Variants in CD96 observed in about 807,000 individuals in gnomAD.
CD96 encodes the protein T-cell surface protein tactile.
In CD96, 70 loss-of-function variants were observed where a neutral mutation model predicts 71.3. The ratio of observed to expected loss-of-function variants is 0.98; its 90% CI spans 0.81 to 1.20. The LOEUF (loss-of-function observed/expected upper bound fraction) is 1.20. CD96 is among the 50% of genes most tolerant of loss of function. CD96 has a pLI of 0.00. For missense variants in CD96, 742 were observed against 677.5 expected (o/e 1.10, Z -1.06); for synonymous variants, 248 against 233.0 (o/e 1.06, Z -0.59).
chr3:111,619,378 A>G (rs1329430502), intron 8 of CD96, among the ~76,000 whole-genome samples: 1 of 152,246 alleles, frequency 6.6e-6, no homozygotes, highest in African/African-American at 2.4e-5. Context: ...TAAACAAAAC[A>G]TTTTGTGTGA....
chr3:111,647,772 G>A, intron 13 of CD96, 106 bp downstream of exon 13: 1 of 832,362 alleles, frequency 1.2e-6, no homozygotes, highest in East Asian at 2.8e-5. Flanking sequence ...TATTTTAATG[G>A]GGAAATAATG....
At position 111,600,821 on chromosome 3, in the gene CD96, T is replaced by C. The variant is rs746239577; in HGVS notation, c.994T>C (p.Ser332Pro). The part of the protein sequence containing the change: ...TRVHSNKPAQ[S>P]DNLTIWCMAL... ...GGTACATAGTAATAAACCAGCCCAATCAGACAACTTGACCATTTGGTGTAT... is the reference window on the plus strand; with the variant it reads ...GGTACATAGTAATAAACCAGCCCAACCAGACAACTTGACCATTTGGTGTAT... Residue 332 changes from serine (S) to proline (P), a missense_variant, in exon 7 of 14, where the codon TCA becomes CCA. Physicochemically the swap from Ser to Pro is moderately conservative, Grantham distance 74. Coordinates refer to ENST00000352690, the MANE Select transcript of CD96 (RefSeq NM_005816.5). The C allele has an allele frequency of 2.0e-5, 32 of 1,612,878 alleles. No homozygotes were observed. The East Asian group carries it at 6.7e-4, about 34-fold the overall frequency.
chr3:111,545,543 C>T, intron 2 of CD96, 141 bp downstream of exon 2: 1 of 698,014 alleles, frequency 1.4e-6, no homozygotes, highest in Non-Finnish European at 2.6e-6. Flanking sequence ...ATAAGAGAGA[C>T]AGGAAGTGAC....
At chr3:111,663,283 C>T (rs957455471) in intron 14 of CD96, among the ~76,000 whole-genome samples, 2 of 152,206 alleles carry the variant, frequency 1.3e-5, no homozygotes, top group African/African-American at 4.8e-5. Flanking sequence ...GCACCTCCCA[C>T]CAGATCTCTC....
chr3:111,624,014 A>G (rs1938629663), intron 9 of CD96, among the ~76,000 whole-genome samples, 192 bp downstream of exon 9: 1 of 152,232 alleles, frequency 6.6e-6, no homozygotes, highest in African/African-American at 2.4e-5. Context: ...TTAAAAAATA[A>G]GGGCTGGTGA....
At chr3:111,571,993 G>A (rs1936005416) in intron 3 of CD96, among the ~76,000 whole-genome samples, 1 of 152,152 alleles carries the variant, frequency 6.6e-6, no homozygotes, top group Non-Finnish European at 1.5e-5. Flanking sequence ...GGAACAGAAT[G>A]GAAAAATCCC....
rs557926922 is a variant in CD96, at chr3:111,569,989, T to A, written c.543+2342T>A. On this transcript the variant is annotated intron_variant, in intron 3 of 13. Transcript: ENST00000352690. Reference sequence around the variant, plus strand: ...AGGCTGGGGCCGTCAAGGCACAGTCTGTATGAGGCTCACCCTGTCTGACCC... The same window carrying A: ...AGGCTGGGGCCGTCAAGGCACAGTCAGTATGAGGCTCACCCTGTCTGACCC... Among the ~76,000 whole-genome samples, 6 of 151,484 alleles carry A rather than the reference T, an allele frequency of 4.0e-5. No individual in the cohort carries two copies. In the South Asian group the frequency reaches 1.3e-3, roughly 32 times the overall value.
At chr3:111,583,962 C>G (rs1224635703) in intron 4 of CD96, among the ~76,000 whole-genome samples, 1 of 152,246 alleles carries the variant, frequency 6.6e-6, no homozygotes, top group African/African-American at 2.4e-5. Flanking sequence ...GCTTGAATTT[C>G]TCCCTAGAAA....
At chr3:111,663,915 A>C (rs1361982244) in intron 14 of CD96, among the ~76,000 whole-genome samples, 1 of 151,864 alleles carries the variant, frequency 6.6e-6, no homozygotes, top group Non-Finnish European at 1.5e-5. Flanking sequence ...CACGCCCAGA[A>C]ATTTTTTTGT....
intron 2 of CD96, among the ~76,000 whole-genome samples, chr3:111,550,265 AAGT>A (rs1934629322): frequency 6.6e-6 from 1 of 152,184 alleles, no homozygotes; most frequent in African/African-American, 2.4e-5. Context: ...TATGGAATGG[AAGT>A]CAGGCTGGAG....
chr3:111,628,548 T>G (rs916157925), intron 10 of CD96, among the ~76,000 whole-genome samples: 1 of 152,198 alleles, frequency 6.6e-6, no homozygotes, highest in African/African-American at 2.4e-5. Context: ...AATCTATGAC[T>G]GATTGGGGTA....
intron 2 of CD96, among the ~76,000 whole-genome samples, chr3:111,546,668 G>T (rs893047537): frequency 1.3e-5 from 2 of 151,972 alleles, no homozygotes; most frequent in African/African-American, 4.8e-5. Flanking sequence ...GGGCAAAGTG[G>T]CCTGGTAATA....
Position 111,600,993 on chromosome 3 carries a change from A to G in CD96, c.1087+79A>G. ...TCAAAATATCTTTAATGGGAAGATT[A>G]TCACTTCCATAACGTTTTAATCTCA... On this transcript the variant is annotated intron_variant, in intron 7 of 13. Coordinates refer to ENST00000352690, the MANE Select transcript of CD96 (RefSeq NM_005816.5). 10 of 901,388 alleles carry G rather than the reference A, an allele frequency of 1.1e-5. No individual in the cohort carries two copies. In the South Asian group the frequency reaches 1.4e-4, roughly 13 times the overall value. The allele number at this position is 901,388 out of a possible 1,614,324, so 55.8% of individuals were successfully genotyped here. A position where few individuals can be genotyped will look rare whatever the true frequency, so the allele number is the denominator to read the frequency against.
At chr3:111,640,510 G>A (rs1939540889) in intron 12 of CD96, among the ~76,000 whole-genome samples, 2 of 152,190 alleles carry the variant, frequency 1.3e-5, no homozygotes, top group African/African-American at 4.8e-5. Flanking sequence ...CCAAACTTAT[G>A]AATAATTGGT....
intron 8 of CD96, chr3:111,612,838 G>C: frequency 1.0e-6 from 1 of 977,466 alleles, no homozygotes; most frequent in Non-Finnish European, 1.2e-6. Flanking sequence ...GTGTTTTCCT[G>C]AGACATGCAG....
chr3:111,639,115 G>A (rs562110063), intron 12 of CD96, among the ~76,000 whole-genome samples: 1 of 152,300 alleles, frequency 6.6e-6, no homozygotes, highest in East Asian at 1.9e-4. Context: ...CAGATCAACT[G>A]CAAGAACAAA....
intron 8 of CD96, among the ~76,000 whole-genome samples, chr3:111,621,745 G>A (rs573191830): frequency 1.4e-3 from 211 of 152,266 alleles, no homozygotes; most frequent in Middle Eastern, 6.8e-3. Flanking sequence ...CACAGTCCCA[G>A]GGACTTTCTC....
intron 4 of CD96, among the ~76,000 whole-genome samples, chr3:111,580,564 A>C (rs1402118763): frequency 6.6e-6 from 1 of 152,210 alleles, no homozygotes; most frequent in Non-Finnish European, 1.5e-5. Flanking sequence ...GGGCAGAGCA[A>C]GCAAAAAAAA....
chr3:111,662,813 CT>C (rs1472325070), intron 14 of CD96, among the ~76,000 whole-genome samples: 4 of 152,216 alleles, frequency 2.6e-5, no homozygotes, highest in Non-Finnish European at 5.9e-5. Flanking sequence ...AAGTTCCAAA[CT>C]TTCCCTCATC....
Sources: gnomAD v4.1 joint callset for allele counts (sites outside exome capture counted in the v4.1 genomes callset) on GRCh38, gnomAD v4.1.1 for gene constraint, MANE v1.5 for transcripts, NCBI Gene and HGNC (gene_info 2026-07-23, HGNC 2026-07-21) for gene names.